The following NEDD4L variants were observed in gnomAD, a reference collection of about 807,000 sequenced individuals.
NEDD4L encodes the protein E3 ubiquitin-protein ligase NEDD4-like.
In NEDD4L, 54 loss-of-function variants were observed where a neutral mutation model predicts 148.9. The observed-to-expected ratio is 0.36, with a 90% CI of 0.29 to 0.45. The LOEUF (loss-of-function observed/expected upper bound fraction) is 0.45. NEDD4L is among the 20% of genes least tolerant of loss of function. NEDD4L has a pLI of 1.00. For missense variants in NEDD4L, 856 were observed against 1,233.8 expected, an observed-to-expected ratio of 0.69 and a Z score of 4.59; for synonymous variants, 433 against 440.7, an observed-to-expected ratio of 0.98 and a Z score of 0.22.
At chr18:58,332,985 AG>A (rs1389747212) in intron 11 of NEDD4L, among the ~76,000 whole-genome samples, 17 of 152,230 alleles carry the variant, frequency 1.1e-4, no homozygotes, top group African/African-American at 3.9e-4. Flanking sequence ...TCCACTTAGA[AG>A]CTAAAATTGG....
intron 5 of NEDD4L, among the ~76,000 whole-genome samples, chr18:58,258,649 G>C (rs1271135373): frequency 6.6e-6 from 1 of 152,236 alleles, no homozygotes; most frequent in Non-Finnish European, 1.5e-5. Flanking sequence ...TTCTTGGAGA[G>C]TAAGTTCCAA....
intron 2 of NEDD4L, among the ~76,000 whole-genome samples, chr18:58,238,027 G>A (rs2046228057): frequency 6.6e-6 from 1 of 152,258 alleles, no homozygotes; most frequent in African/African-American, 2.4e-5. Context: ...GGCAGCTTCA[G>A]AGACTATGCC....
intron 10 of NEDD4L, among the ~76,000 whole-genome samples, chr18:58,330,091 G>A (rs1273041522): frequency 6.6e-6 from 1 of 152,106 alleles, no homozygotes; most frequent in Non-Finnish European, 1.5e-5. Flanking sequence ...CAACAAATTA[G>A]CCATAATCTT....
intron 5 of NEDD4L, among the ~76,000 whole-genome samples, chr18:58,279,005 G>A (rs1247697367): frequency 3.3e-5 from 5 of 151,950 alleles, no homozygotes; most frequent in African/African-American, 1.2e-4. Context: ...CCAAGTAGCC[G>A]GGATTATAGG....
At chr18:58,376,570 C>T (rs2047585617) in intron 24 of NEDD4L, among the ~76,000 whole-genome samples, 1 of 152,188 alleles carries the variant, frequency 6.6e-6, no homozygotes, top group African/African-American at 2.4e-5. Flanking sequence ...AAACCTTTCT[C>T]ATTTCTGTGC....
intron 5 of NEDD4L, among the ~76,000 whole-genome samples, chr18:58,287,876 C>G (rs891115250): frequency 6.6e-6 from 1 of 152,086 alleles, no homozygotes; most frequent in African/African-American, 2.4e-5. Context: ...GAGGGTGGGG[C>G]AGATTCTCTC....
intron 2 of NEDD4L, among the ~76,000 whole-genome samples, chr18:58,197,431 C>T (rs759483262): frequency 4.6e-5 from 7 of 152,102 alleles, no homozygotes; most frequent in Admixed American, 2.0e-4. Flanking sequence ...GAGACACCCC[C>T]GTTTGCTTCT....
intron 1 of NEDD4L, among the ~76,000 whole-genome samples, chr18:58,116,920 C>T (rs73442620): frequency 0.012 from 1,755 of 152,326 alleles, 24 homozygotes; most frequent in African/African-American, 0.035. Flanking sequence ...CTCCTGCCAA[C>T]GCTGGCCCTT....
At chr18:58,201,840 G>C (rs2041451836) in intron 2 of NEDD4L, among the ~76,000 whole-genome samples, 1 of 152,040 alleles carries the variant, frequency 6.6e-6, no homozygotes, top group Non-Finnish European at 1.5e-5. Flanking sequence ...ACTTAGCGTT[G>C]TATACTGGAA....
At chr18:58,393,802 A>G (rs1178484851) in intron 30 of NEDD4L, among the ~76,000 whole-genome samples, 1 of 152,244 alleles carries the variant, frequency 6.6e-6, no homozygotes, top group Non-Finnish European at 1.5e-5. Context: ...TCAGAATAAA[A>G]ATCTGATTTC....
chr18:58,180,564 C>G (rs2038749699), intron 2 of NEDD4L, among the ~76,000 whole-genome samples: 1 of 152,214 alleles, frequency 6.6e-6, no homozygotes, highest in African/African-American at 2.4e-5. Context: ...CTCCCCACCC[C>G]TTGGCTGAAT....
chr18:58,262,070 C>T (rs908439482), intron 5 of NEDD4L, among the ~76,000 whole-genome samples: 4 of 152,150 alleles, frequency 2.6e-5, no homozygotes, highest in African/African-American at 9.7e-5. Context: ...TCTCTTAGTT[C>T]ATACCAAGCA....
chr18:58,071,170 G>A (rs892308128), intron 1 of NEDD4L, among the ~76,000 whole-genome samples: 4 of 152,138 alleles, frequency 2.6e-5, no homozygotes, highest in Non-Finnish European at 4.4e-5. Flanking sequence ...CTATAGGAAA[G>A]CATGTCTAAA....
intron 1 of NEDD4L, among the ~76,000 whole-genome samples, chr18:58,160,133 A>G (rs971663027): frequency 2.6e-5 from 4 of 152,258 alleles, no homozygotes; most frequent in Non-Finnish European, 5.9e-5. Context: ...AATTTATTTT[A>G]CTACAAGAAC....
intron 2 of NEDD4L, among the ~76,000 whole-genome samples, chr18:58,180,622 A>G (rs1162500410): frequency 6.6e-6 from 1 of 151,888 alleles, no homozygotes; most frequent in African/African-American, 2.4e-5. Flanking sequence ...TCAGGTCCAT[A>G]TTTTCATTAC....
At chr18:58,124,855 T>C (rs2030737417) in intron 1 of NEDD4L, among the ~76,000 whole-genome samples, 1 of 152,254 alleles carries the variant, frequency 6.6e-6, no homozygotes, top group South Asian at 2.1e-4. Context: ...TGTATTAACC[T>C]GCATGAGGAA....
At chr18:58,069,759 C>G (rs2082775660) in intron 1 of NEDD4L, among the ~76,000 whole-genome samples, 1 of 152,174 alleles carries the variant, frequency 6.6e-6, no homozygotes, top group Non-Finnish European at 1.5e-5. Context: ...AGAACATTGG[C>G]AAAACCTATT....
chr18:58,319,803 A>G (rs1411902291), intron 6 of NEDD4L, among the ~76,000 whole-genome samples: 1 of 152,226 alleles, frequency 6.6e-6, no homozygotes, highest in East Asian at 1.9e-4. Context: ...AGTTGGCAGT[A>G]CTGACAAATG....
chr18:58,315,635 G>A (rs1012105823), intron 5 of NEDD4L, among the ~76,000 whole-genome samples: 19 of 152,138 alleles, frequency 1.2e-4, no homozygotes, highest in African/African-American at 4.3e-4. Flanking sequence ...TTATTAAAAT[G>A]TTCCCAGCAT....
Sources: gnomAD v4.1 joint callset for allele counts (sites outside exome capture counted in the v4.1 genomes callset) on GRCh38, gnomAD v4.1.1 for gene constraint, MANE v1.5 for transcripts, NCBI Gene and HGNC (gene_info 2026-07-23, HGNC 2026-07-21) for gene names.